GTF2I: variants seen among roughly 807,000 people sequenced by gnomAD.
GTF2I encodes general transcription factor II-I.
A neutral mutation model predicts 67.6 loss-of-function variants in GTF2I; 12 were observed. That is an observed-to-expected ratio of 0.18 (90% confidence interval 0.11 to 0.29). The LOEUF is 0.29. Ranked by LOEUF, GTF2I falls within the 10% of genes least tolerant of loss-of-function variation. GTF2I has a pLI of 1.00. For synonymous variants in GTF2I, 149 were observed against 197.0 expected (o/e 0.76, Z 2.04); for missense variants, 271 against 580.1 (o/e 0.47, Z 5.47).
In GTF2I at chr7:74,711,097, T is replaced by G. The variant is rs199687489; in HGVS notation, c.751T>G (p.Tyr251Asp). ...ATCAGAAGATCCTGATTATTATCAATATAACATTCAAGGTAATTTGAATTA... is the reference window on the plus strand; with the variant it reads ...ATCAGAAGATCCTGATTATTATCAAGATAACATTCAAGGTAATTTGAATTA... ...EESEDPDYYQ[Y>D]NIQAGPSETD... Residue 251 changes from tyrosine to aspartate, a missense_variant, in exon 9 of 35, where the codon TAT becomes GAT. Coordinates refer to ENST00000573035, the MANE Select transcript of GTF2I (RefSeq NM_032999.4). 2 of 1,426,462 alleles carry G rather than the reference T, an allele frequency of 1.4e-6. No individual in the cohort carries two copies. The highest frequency in any genetic ancestry group is 1.3e-5 in the South Asian group (1 of 79,086). The allele number at this position is 1,426,462 out of a possible 1,614,324, so 88.4% of individuals were successfully genotyped here. A position where few individuals can be genotyped will look rare whatever the true frequency, so the allele number is the denominator to read the frequency against.
At chr7:74,713,590 AAATT>A (rs1791895949) in intron 9 of GTF2I, among the ~76,000 whole-genome samples, 1 of 152,226 alleles carries the variant, frequency 6.6e-6, no homozygotes, top group Non-Finnish European at 1.5e-5. Flanking sequence ...TACTGAAATT[AAATT>A]ATTAATAGAA....
chr7:74,713,141 G>C (rs1033408260), intron 9 of GTF2I, among the ~76,000 whole-genome samples: 1 of 150,576 alleles, frequency 6.6e-6, no homozygotes, highest in South Asian at 2.1e-4. Flanking sequence ...TGAAAGTATA[G>C]TGATACGTGA....
chr7:74,712,011 G>A (rs62475400), intron 9 of GTF2I, among the ~76,000 whole-genome samples: 7,078 of 149,060 alleles, frequency 0.047, 238 homozygotes, highest in Non-Finnish European at 0.072. Flanking sequence ...GTGCAGTGGC[G>A]CGATCTTGGC....
chr7:74,673,599 G>A (rs587712320), intron 1 of GTF2I, among the ~76,000 whole-genome samples: 2 of 151,144 alleles, frequency 1.3e-5, no homozygotes, highest in Admixed American at 6.6e-5. Flanking sequence ...GGCTGGTCTC[G>A]AACTCCTGAC....
intron 6 of GTF2I, among the ~76,000 whole-genome samples, chr7:74,702,470 G>C (rs1789933914): frequency 6.6e-6 from 1 of 152,006 alleles, no homozygotes; most frequent in Non-Finnish European, 1.5e-5. Flanking sequence ...TCATGATCAA[G>C]GGAGGCCTCT....
chr7:74,672,864 T>C (rs1227545936), intron 1 of GTF2I, among the ~76,000 whole-genome samples: 3 of 152,180 alleles, frequency 2.0e-5, no homozygotes, highest in African/African-American at 7.2e-5. Context: ...TTTACTGTTT[T>C]GTTTTTTTTC....
intron 15 of GTF2I, 112 bp from the exon 16 acceptor site, chr7:74,733,811 A>C (rs1554407183): frequency 2.2e-5 from 11 of 510,070 alleles, no homozygotes; most frequent in Non-Finnish European, 3.8e-5. Flanking sequence ...CATCCAGATT[A>C]TCTTTTCTTT....
intron 1 of GTF2I, among the ~76,000 whole-genome samples, chr7:74,661,289 G>A (rs1804466767): frequency 6.6e-6 from 1 of 152,176 alleles, no homozygotes; most frequent in African/African-American, 2.4e-5. Flanking sequence ...TGGTGTTGAT[G>A]GTGGCTGCTT....
At chr7:74,705,869 A>G (rs1342682933) in intron 7 of GTF2I, among the ~76,000 whole-genome samples, 1 of 150,056 alleles carries the variant, frequency 6.7e-6, no homozygotes, top group Non-Finnish European at 1.5e-5. Flanking sequence ...TGGCCCGATA[A>G]GTCTTAATAT....
rs1293903161 is a variant in GTF2I at position 74,741,051 on chromosome 7, A to G, written c.1679-2398A>G. On this transcript the variant is annotated intron_variant, in intron 19 of 34. Transcript: ENST00000573035. ...CAGTGATATTCTACATGTCTTTATA[A>G]TAGCTTTTTTGTTTGTTTGTTTGTT... 1.4e-3 allele frequency among the ~76,000 whole-genome samples: 49 copies of G among 34,878 alleles called. 10 individuals are homozygous for G. Among genetic ancestry groups the G allele is most frequent in the African/African-American group, 3.7e-3 (29 of 7,792 alleles). 22.9% of individuals were successfully genotyped at this position (34,878 alleles called of 152,430 possible). A position where few individuals can be genotyped will look rare whatever the true frequency, so the allele number is the denominator to read the frequency against.
chr7:74,684,382 C>T (rs1366819371), intron 1 of GTF2I, among the ~76,000 whole-genome samples: 1 of 152,228 alleles, frequency 6.6e-6, no homozygotes, highest in African/African-American at 2.4e-5. Context: ...CATACACCAG[C>T]TCTCTAGGCG....
chr7:74,687,351 A>G (rs1029910123), intron 1 of GTF2I, among the ~76,000 whole-genome samples: 2 of 151,848 alleles, frequency 1.3e-5, no homozygotes, highest in Non-Finnish European at 1.5e-5. Context: ...CAGCCTCCCA[A>G]GTAGCTGGGA....
chr7:74,700,667 C>G (rs782602574), intron 6 of GTF2I, 33 bp downstream of exon 6: 17 of 1,604,134 alleles, frequency 1.1e-5, no homozygotes, highest in Non-Finnish European at 1.4e-5. Context: ...TGATAGCTGG[C>G]TGGCCTCCGT....
At chr7:74,704,855 TAAAAAAAAAAAA>T (rs35715710) in intron 6 of GTF2I, among the ~76,000 whole-genome samples, 6 of 76,958 alleles carry the variant, frequency 7.8e-5, no homozygotes, top group South Asian at 5.9e-4. Context: ...ACCCTGTTTC[TAAAAAAAAAAAA>T]AAAAAAAAAA....
At chr7:74,694,985 T>C (rs1330077436) in intron 3 of GTF2I, among the ~76,000 whole-genome samples, 1 of 152,226 alleles carries the variant, frequency 6.6e-6, no homozygotes, top group Non-Finnish European at 1.5e-5. Flanking sequence ...CATCTCTTGA[T>C]AGTGTTGTTC....
intron 1 of GTF2I, among the ~76,000 whole-genome samples, chr7:74,666,502 GTTCGTTTTCTTTC>G (rs1267620975): frequency 4.1e-5 from 6 of 145,768 alleles, no homozygotes; most frequent in African/African-American, 1.5e-4. Flanking sequence ...CCTTCCTCCT[GTTCGTTTTCTTTC>G]TTCGTTTTCC....
At chr7:74,710,428 G>A (rs1227412221) in intron 8 of GTF2I, among the ~76,000 whole-genome samples, 4 of 151,754 alleles carry the variant, frequency 2.6e-5, no homozygotes, top group Non-Finnish European at 5.9e-5. Flanking sequence ...TAATAACATC[G>A]ATTGCTTTTG....
chr7:74,694,565 C>T (rs1554397914), intron 3 of GTF2I, among the ~76,000 whole-genome samples: 2 of 152,054 alleles, frequency 1.3e-5, no homozygotes, highest in African/African-American at 4.8e-5. Flanking sequence ...CCAGCCTGGA[C>T]TCTTGAGATC....
At chr7:74,669,291 C>T (rs1562936696) in intron 1 of GTF2I, among the ~76,000 whole-genome samples, 1 of 127,734 alleles carries the variant, frequency 7.8e-6, no homozygotes, top group Non-Finnish European at 1.6e-5. Context: ...TGCAATGGCA[C>T]AATCTCAGCT....
Sources: allele counts gnomAD v4.1 joint callset (sites outside exome capture counted in the v4.1 genomes callset), GRCh38; gene constraint gnomAD v4.1.1; transcripts MANE v1.5; gene names NCBI Gene and HGNC (gene_info 2026-07-23, HGNC 2026-07-21).